ZNF483: variants seen among roughly 807,000 people sequenced by gnomAD.
ZNF483 encodes the protein zinc finger protein 483, also known as zinc finger protein HIT-10.
Under a neutral mutation model 28.6 loss-of-function variants are expected in ZNF483, and 9 were observed. The ratio of observed to expected loss-of-function variants is 0.32; its 90% CI spans 0.19 to 0.55. The LOEUF (loss-of-function observed/expected upper bound fraction) is 0.55. ZNF483 is among the 20% of genes least tolerant of loss of function. ZNF483 has a pLI of 0.93. For synonymous variants in ZNF483, 322 were observed against 306.2 expected, an observed-to-expected ratio of 1.05 and a Z score of -0.54; for missense variants, 675 against 871.7, an observed-to-expected ratio of 0.77 and a Z score of 2.84.
Position 111,549,891 on chromosome 9 carries a change from A to C in ZNF483, c.*6721A>C. 1 of 774,420 alleles carries C rather than the reference A, an allele frequency of 1.3e-6. No individual in the cohort carries two copies. The highest frequency in any genetic ancestry group is 2.8e-5 in the East Asian group (1 of 35,564). 48.0% of individuals were successfully genotyped at this position (774,420 alleles called of 1,614,324 possible). A position where few individuals can be genotyped will look rare whatever the true frequency, so the allele number is the denominator to read the frequency against. On this transcript the variant is annotated 3_prime_UTR_variant, in exon 6 of 6. Coordinates refer to ENST00000309235, the MANE Select transcript of ZNF483 (RefSeq NM_133464.5). ...AGTGAGTCAATGTTTGGTCTTCCTC[A>C]TGTCCATTTTTTGTTGGTTTATTTT...
rs35900341 is a variant in ZNF483 at position 111,562,276 on chromosome 9, C to CTT, written c.722-14073_722-14072dup. 8.8e-4 allele frequency among the ~76,000 whole-genome samples: 123 copies of CTT among 140,500 alleles called. 1 individual carries two copies. The highest frequency in any genetic ancestry group is 3.8e-3 in the Middle Eastern group (1 of 266). The allele number at this position is 140,500 out of a possible 152,430, so 92.2% of individuals were successfully genotyped here. A position where few individuals can be genotyped will look rare whatever the true frequency, so the allele number is the denominator to read the frequency against. Reference sequence around the variant, plus strand: ...AGTCTAAGGTCACAGAAGCAGTAAACTTTTTTTTTTTTTTTTTGAGATAGA... The same window carrying CTT: ...AGTCTAAGGTCACAGAAGCAGTAAACTTTTTTTTTTTTTTTTTTTGAGATAGA... On this transcript the variant is annotated intron_variant, in intron 5 of 5. Transcript: ENST00000358151.
chr9:111,540,192 A>T (rs1042776624), intron 5 of ZNF483, among the ~76,000 whole-genome samples: 1 of 152,210 alleles, frequency 6.6e-6, no homozygotes, highest in African/African-American at 2.4e-5. Context: ...AAATAATCAT[A>T]AAAGAGTAAC....
chr9:111,547,782 A>G lies in ZNF483; in HGVS notation c.*4612A>G, dbSNP rs1827838820. On this transcript the variant is annotated 3_prime_UTR_variant, in exon 6 of 6. Transcript: ENST00000309235. ...TTTATAGTTTCAGGTCTTATGTTTA[A>G]GTCTTTTAACCATTTTGATTTTTAT... 6.6e-6 allele frequency among the ~76,000 whole-genome samples: 1 copy of G among 152,194 alleles called. No individual in the cohort carries two copies. The highest frequency in any genetic ancestry group is 2.1e-4 in the South Asian group (1 of 4,812).
chr9:111,531,035 A>T, intron 3 of ZNF483, 72 bp downstream of exon 3: 1 of 691,980 alleles, frequency 1.4e-6, no homozygotes, highest in Non-Finnish European at 2.2e-6. Context: ...GTATAAAGAT[A>T]TAAAAATAAA....
chr9:111,563,624 G>A, intron 5 of ZNF483: 1 of 158,500 alleles, frequency 6.3e-6, no homozygotes, highest in Non-Finnish European at 1.4e-5. Context: ...TCCTGCCTCA[G>A]CCTCCCGACT....
chr9:111,576,293 G>A (rs1035565216), intron 5 of ZNF483: 10 of 1,536,394 alleles, frequency 6.5e-6, no homozygotes, highest in Non-Finnish European at 7.2e-6. Context: ...TTTGCATATT[G>A]TAAACTACTT....
intron 5 of ZNF483, among the ~76,000 whole-genome samples, chr9:111,566,204 AAAAT>A (rs370786202): frequency 6.6e-6 from 1 of 151,970 alleles, no homozygotes; most frequent in Non-Finnish European, 1.5e-5. Flanking sequence ...CTCCATGTCA[AAAAT>A]AAATAAATAA....
chr9:111,570,522 G>A (rs901053543), intron 5 of ZNF483, among the ~76,000 whole-genome samples: 3 of 151,996 alleles, frequency 2.0e-5, no homozygotes, highest in African/African-American at 7.3e-5. Flanking sequence ...TGTAATCCCA[G>A]CATTTTGGGA....
In ZNF483 at chr9:111,527,506, A is replaced by T. The variant is rs377426771; in HGVS notation, c.111A>T (p.Gln37His). 4.3e-6 allele frequency: 7 copies of T among 1,614,120 alleles called. No homozygotes were observed. Among genetic ancestry groups the T allele is most frequent in the Non-Finnish European group, 5.1e-6 (6 of 1,180,046 alleles). ...EVPRVVTSGE[Q>H]EAILRGNAAD... ...CAAGAGTGGTTACTTCTGGGGAACAAGAAGCTATTTTAAGAGGAAATGCTG... is the reference window on the plus strand; with the variant it reads ...CAAGAGTGGTTACTTCTGGGGAACATGAAGCTATTTTAAGAGGAAATGCTG... Residue 37 changes from glutamine to histidine, a missense_variant, in exon 2 of 6, where the codon CAA becomes CAT. Around this residue, in one of 6 missense-constraint regions of ZNF483, gnomAD observed 525 missense variants for 581.8 expected, o/e 0.90. Coordinates refer to ENST00000309235, the MANE Select transcript of ZNF483 (RefSeq NM_133464.5).
chr9:111,574,700 G>A (rs1828978706), intron 5 of ZNF483: 4 of 1,490,030 alleles, frequency 2.7e-6, no homozygotes, highest in Non-Finnish European at 3.7e-6. Context: ...GTCCAGCCTT[G>A]TGACATATGG....
intron 5 of ZNF483, among the ~76,000 whole-genome samples, chr9:111,534,815 C>G (rs985302812): frequency 4.6e-5 from 7 of 151,036 alleles, no homozygotes; most frequent in African/African-American, 1.7e-4. Context: ...CCTCCGCCTC[C>G]CGGGTTCAAG....
At chr9:111,534,428 T>G (rs897870953) in intron 5 of ZNF483, 75 bp downstream of exon 5, 12 of 1,240,712 alleles carry the variant, frequency 9.7e-6, no homozygotes, top group Admixed American at 1.8e-5. Flanking sequence ...CTTTGAAATG[T>G]TGGGCTGCCT....
chr9:111,534,168 A>T, intron 4 of ZNF483, 93 bp from the exon 5 acceptor site: 1 of 1,114,774 alleles, frequency 9.0e-7, no homozygotes, highest in Non-Finnish European at 1.3e-6. Context: ...GCATGTTTTT[A>T]TCTTCCTTGG....
At chr9:111,531,254 C>T (rs768427326) in intron 3 of ZNF483, among the ~76,000 whole-genome samples, 11 of 152,138 alleles carry the variant, frequency 7.2e-5, no homozygotes, top group African/African-American at 2.4e-4. Context: ...TCATTTTCCA[C>T]ATGCAATTTT....
At position 111,541,708 on chromosome 9, in the gene ZNF483, A is replaced by G; in HGVS notation, c.773A>G (p.His258Arg). 6.2e-7 allele frequency: 1 copy of G among 1,614,012 alleles called. No homozygotes were observed. The highest frequency in any genetic ancestry group is 8.5e-7 in the Non-Finnish European group (1 of 1,179,978). The change falls in exon 6 of 6, where the codon CAT (histidine) becomes CGT (arginine). Residue 258 changes from histidine (H) to arginine (R), a missense_variant. His to Arg is a conservative substitution (Grantham distance 29). Coordinates refer to ENST00000309235, the MANE Select transcript of ZNF483 (RefSeq NM_133464.5). ...GAAAGGTGCCTCAGGGATGATGATC[A>G]TGGCTTGATGGAAGAATCCCAGCAA... ...IIERCLRDDD[H>R]GLMEESQQYC...
At position 111,547,133 on chromosome 9, in the gene ZNF483, A is replaced by G. The variant is rs1827826832; in HGVS notation, c.*3963A>G. On this transcript the variant is annotated 3_prime_UTR_variant, in exon 6 of 6. Coordinates refer to ENST00000309235, the MANE Select transcript of ZNF483 (RefSeq NM_133464.5). ...TTGCACCATTTTGGCTATCAAGAAT[A>G]ACATTGCTATAATCAGTGGTGCTTT... is the stretch of plus-strand genomic sequence containing the variant. Among the ~76,000 whole-genome samples, 1 of 152,192 alleles carries G rather than the reference A, an allele frequency of 6.6e-6. No individual in the cohort carries two copies. The highest frequency in any genetic ancestry group is 1.5e-5 in the Non-Finnish European group (1 of 67,998).
intron 5 of ZNF483, among the ~76,000 whole-genome samples, chr9:111,567,122 G>T (rs1828598661): frequency 6.6e-6 from 1 of 151,708 alleles, no homozygotes; most frequent in Non-Finnish European, 1.5e-5. Flanking sequence ...GTGGGATATG[G>T]AGGATCAAGA....
intron 1 of ZNF483, among the ~76,000 whole-genome samples, chr9:111,525,614 A>G (rs1827167359): frequency 6.6e-6 from 1 of 152,152 alleles, no homozygotes; most frequent in African/African-American, 2.4e-5. Context: ...GAGCTAACCA[A>G]AAATGTGTCC....
Position 111,571,514 on chromosome 9 carries a change from G to GTTTC in ZNF483, c.722-4850_722-4847dup, listed in dbSNP as rs976742293. ...TTAATTTGAGACAGGGTCTGGCTCT[G>GTTTC]TTTCCCCAGGCTGGAGTAAAGTGGT... On this transcript the variant is annotated intron_variant, in intron 5 of 5. Transcript: ENST00000358151. Among the ~76,000 whole-genome samples, 16 of 145,714 alleles carry GTTTC rather than the reference G, an allele frequency of 1.1e-4. 1 individual carries two copies. The highest frequency in any genetic ancestry group is 3.9e-4 in the African/African-American group (16 of 41,002).
Sources: gnomAD v4.1 joint callset for allele counts (sites outside exome capture counted in the v4.1 genomes callset) on GRCh38, gnomAD v4.1.1 for gene constraint, gnomAD v4.1.1 regional missense constraint, MANE v1.5 for transcripts, NCBI Gene and HGNC (gene_info 2026-07-23, HGNC 2026-07-21) for gene names.